The following ATP13A5 variants were observed in gnomAD, a reference collection of about 807,000 sequenced individuals.
The protein encoded by ATP13A5 is ATPase 13A5.
ATP13A5 carries 149 observed loss-of-function variants against 150.2 expected under a neutral mutation model. The ratio of observed to expected loss-of-function variants is 0.99; its 90% CI spans 0.87 to 1.14. The LOEUF (loss-of-function observed/expected upper bound fraction) is 1.14. Ranked by LOEUF, ATP13A5 falls within the 50% of genes most tolerant of loss-of-function variation. ATP13A5 has a pLI of 0.00. For synonymous variants in ATP13A5, 497 were observed against 522.2 expected, an observed-to-expected ratio of 0.95 and a Z score of 0.66; for missense variants, 1,383 against 1,449.3, an observed-to-expected ratio of 0.95 and a Z score of 0.74.
intron 9 of ATP13A5, among the ~76,000 whole-genome samples, chr3:193,343,019 A>G (rs1483088134): frequency 2.6e-5 from 4 of 152,104 alleles, no homozygotes; most frequent in African/African-American, 7.2e-5. Context: ...TGTTAACTAC[A>G]TTTTCTTGTC....
chr3:193,340,083 G>T (rs924235211), intron 9 of ATP13A5, among the ~76,000 whole-genome samples: 1 of 152,182 alleles, frequency 6.6e-6, no homozygotes, highest in Non-Finnish European at 1.5e-5. Context: ...AAGATGTGGG[G>T]TCCAAGGCAG....
chr3:193,307,866 G>A (rs944866411), intron 21 of ATP13A5, among the ~76,000 whole-genome samples: 5 of 152,162 alleles, frequency 3.3e-5, no homozygotes, highest in African/African-American at 7.2e-5. Context: ...GCATGTCAGG[G>A]TGAAAATAAG....
At chr3:193,306,456 T>A (rs957753451) in intron 22 of ATP13A5, among the ~76,000 whole-genome samples, 1 of 152,200 alleles carries the variant, frequency 6.6e-6, no homozygotes, top group African/African-American at 2.4e-5. Flanking sequence ...AATTAGCTTT[T>A]TCTCATGAAA....
chr3:193,376,394 G>GA (rs767152833), intron 1 of ATP13A5, among the ~76,000 whole-genome samples: 26 of 152,082 alleles, frequency 1.7e-4, no homozygotes, highest in Non-Finnish European at 3.2e-4. Context: ...TTATTTATAA[G>GA]AAAAACAGGC....
At chr3:193,341,173 CT>C (rs1488803980) in intron 9 of ATP13A5, among the ~76,000 whole-genome samples, 1,279 of 60,286 alleles carry the variant, frequency 0.021, 12 homozygotes, top group African/African-American at 0.062. Context: ...TTCCCCCCCC[CT>C]CCCAAATGAT....
chr3:193,291,029 T>C (rs1242080636), intron 25 of ATP13A5, among the ~76,000 whole-genome samples: 2 of 152,094 alleles, frequency 1.3e-5, no homozygotes, highest in African/African-American at 4.8e-5. Flanking sequence ...TATTTATGAG[T>C]GTACAGGTAG....
chr3:193,322,418 A>C (rs1719314750), intron 15 of ATP13A5, 73 bp downstream of exon 15: 2 of 1,185,336 alleles, frequency 1.7e-6, no homozygotes, highest in South Asian at 1.3e-5. Context: ...GACTATAAAA[A>C]TATGTGCAAG....
At chr3:193,312,089 C>T in intron 19 of ATP13A5, 148 bp from the exon 20 acceptor site, 1 of 995,382 alleles carries the variant, frequency 1.0e-6, no homozygotes. Context: ...GCAGTTCTAC[C>T]CATAGGAAAA....
At chr3:193,322,172 A>T (rs1333668214) in intron 15 of ATP13A5, among the ~76,000 whole-genome samples, 4 of 152,120 alleles carry the variant, frequency 2.6e-5, no homozygotes, top group Admixed American at 2.6e-4. Flanking sequence ...TGATTATAGC[A>T]TTTGGCACAT....
At chr3:193,341,118 A>C (rs564429291) in intron 9 of ATP13A5, among the ~76,000 whole-genome samples, 2 of 152,298 alleles carry the variant, frequency 1.3e-5, no homozygotes, top group South Asian at 4.1e-4. Flanking sequence ...ATGAGAACTA[A>C]GAAAAAAAGC....
At chr3:193,362,528 C>T in intron 4 of ATP13A5, 39 bp downstream of exon 4, 2 of 1,613,288 alleles carry the variant, frequency 1.2e-6, no homozygotes, top group Non-Finnish European at 1.7e-6. Flanking sequence ...TGTTTTTCCC[C>T]TATATCCTGA....
intron 9 of ATP13A5, among the ~76,000 whole-genome samples, chr3:193,338,559 A>AGG (rs932061536): frequency 6.6e-6 from 1 of 152,246 alleles, no homozygotes; most frequent in African/African-American, 2.4e-5. Flanking sequence ...ATGTTGAACC[A>AGG]GCCTTGCATC....
At chr3:193,369,388 C>G (rs1713362584) in intron 1 of ATP13A5, among the ~76,000 whole-genome samples, 2 of 151,914 alleles carry the variant, frequency 1.3e-5, no homozygotes, top group Admixed American at 1.3e-4. Context: ...ATGGGAGGAT[C>G]GTTTGAGCCC....
At chr3:193,314,867 A>G in intron 18 of ATP13A5, 105 bp downstream of exon 18, 2 of 1,444,824 alleles carry the variant, frequency 1.4e-6, no homozygotes, top group Non-Finnish European at 1.9e-6. Flanking sequence ...TCGACAACAG[A>G]ACATTTTTCC....
chr3:193,307,687 A>G (rs1718671687), intron 21 of ATP13A5, among the ~76,000 whole-genome samples: 1 of 152,254 alleles, frequency 6.6e-6, no homozygotes, highest in African/African-American at 2.4e-5. Flanking sequence ...AAGAGTATGC[A>G]GTCATGAGCA....
chr3:193,313,790 C>T (rs1718941930), intron 19 of ATP13A5: 1 of 426,172 alleles, frequency 2.3e-6, no homozygotes, highest in Non-Finnish European at 4.2e-6. Context: ...GCACCTGATG[C>T]CAGTTCCTAC....
rs558681217 is a variant in ATP13A5 at position 193,281,975 on chromosome 3, C to T, written c.3227-2521G>A. Among the ~76,000 whole-genome samples, 3 of 152,156 alleles carry T rather than the reference C, an allele frequency of 2.0e-5. No homozygotes were observed. The East Asian group carries it at 5.8e-4, about 30-fold the overall frequency. ...CTTTGGGAGGCCGAAGCGGGTGGAT[C>T]ACGAGGTCAGGAGTTCAAGACCAGC... On this transcript the variant is annotated intron_variant, in intron 27 of 29. Transcript: ENST00000342358.
intron 1 of ATP13A5, among the ~76,000 whole-genome samples, chr3:193,378,074 ATGTGTGTGTGTGTG>A (rs5855484): frequency 6.6e-5 from 10 of 150,692 alleles, no homozygotes; most frequent in Admixed American, 3.3e-4. Flanking sequence ...TTATTTTTAA[ATGTGTGTGTGTGTG>A]TGTGTGTGTG....
chr3:193,275,272 G>A lies in ATP13A5; in HGVS notation c.3427C>T (p.Leu1143=). 1 of 1,613,788 alleles carries A rather than the reference G, an allele frequency of 6.2e-7. No individual in the cohort carries two copies. The highest frequency in any genetic ancestry group is 1.1e-5 in the South Asian group (1 of 91,062). Residue 1143 remains leucine, a synonymous_variant, in exon 30 of 30, where the codon CTG becomes TTG. Coordinates refer to ENST00000342358, the MANE Select transcript of ATP13A5 (RefSeq NM_198505.4). ...DSILQNHELW[L]LIKREFGFYS... is the part of the protein sequence containing the mutation. The stretch of plus-strand genomic sequence containing the variant: ...AATCCAAATTCTCTTTTGATCAACA[G>A]CCAGAGTTCATGATTTTGAAGGATG...
Sources: gnomAD v4.1 joint callset for allele counts (sites outside exome capture counted in the v4.1 genomes callset) on GRCh38, gnomAD v4.1.1 for gene constraint, MANE v1.5 for transcripts, NCBI Gene and HGNC (gene_info 2026-07-23, HGNC 2026-07-21) for gene names.